The following GLG1 variants were observed in gnomAD, a reference collection of about 807,000 sequenced individuals.
GLG1 encodes the protein Golgi apparatus protein 1.
A neutral mutation model predicts 160.5 loss-of-function variants in GLG1; 38 were observed. The observed-to-expected ratio is 0.24, with a 90% CI of 0.18 to 0.31. GLG1 has a LOEUF of 0.31. Ranked by LOEUF, GLG1 falls within the 10% of genes least tolerant of loss-of-function variation. The pLI is 1.00. For synonymous variants in GLG1, 644 were observed against 543.4 expected (o/e 1.19, Z -2.57); for missense variants, 1,373 against 1,505.2 (o/e 0.91, Z 1.45).
rs2014372067 is a variant in GLG1 at position 74,452,786 on chromosome 16, T to C, written c.*381A>G. ...AGCCTGGAGGAGATGCGTTACTATA[T>C]ACATTTTTTTCTTTAAAAAAATTTT... is the stretch of plus-strand genomic sequence containing the variant. On this transcript the variant is annotated 3_prime_UTR_variant, in exon 26 of 26. Coordinates refer to ENST00000422840, the MANE Select transcript of GLG1 (RefSeq NM_001145667.2). 1.0e-6 allele frequency: 1 copy of C among 995,822 alleles called. No homozygotes were observed. Among genetic ancestry groups the C allele is most frequent in the Non-Finnish European group, 1.2e-6 (1 of 835,742 alleles). 61.7% of individuals were successfully genotyped at this position (995,822 alleles called of 1,614,324 possible).
intron 1 of GLG1, among the ~76,000 whole-genome samples, chr16:74,593,468 CTT>C (rs1256109289): frequency 2.2e-4 from 29 of 129,216 alleles, no homozygotes; most frequent in African/African-American, 7.0e-4. Flanking sequence ...GAATTTCACT[CTT>C]GTCACCCAGG....
intron 25 of GLG1, among the ~76,000 whole-genome samples, chr16:74,453,673 C>A (rs1346763013): frequency 1.3e-5 from 2 of 152,154 alleles, no homozygotes; most frequent in Non-Finnish European, 1.5e-5. Context: ...AGCACTCACA[C>A]CAAGCCTAGC....
chr16:74,549,100 T>C (rs1219109936), intron 1 of GLG1, among the ~76,000 whole-genome samples: 3 of 152,234 alleles, frequency 2.0e-5, no homozygotes, highest in African/African-American at 7.2e-5. Context: ...CATTCCTCTC[T>C]GAGCTTTAAG....
intron 3 of GLG1, among the ~76,000 whole-genome samples, chr16:74,506,589 A>AAAAAAAAG: frequency 6.8e-6 from 1 of 146,212 alleles, no homozygotes; most frequent in Non-Finnish European, 1.5e-5. Flanking sequence ...CTCAAAAAAA[A>AAAAAAAAG]AAAAAAAAAA....
intron 1 of GLG1, among the ~76,000 whole-genome samples, chr16:74,583,752 C>T (rs1189961563): frequency 6.6e-6 from 1 of 152,134 alleles, no homozygotes; most frequent in Non-Finnish European, 1.5e-5. Context: ...CTCAGGGAGA[C>T]ATATCCAGAC....
chr16:74,476,540 A>T (rs2015395600), intron 12 of GLG1, among the ~76,000 whole-genome samples: 1 of 152,142 alleles, frequency 6.6e-6, no homozygotes, highest in South Asian at 2.1e-4. Flanking sequence ...TACAAATGGA[A>T]CCCAGAAACC....
At chr16:74,506,959 T>A (rs2016634975) in intron 3 of GLG1, among the ~76,000 whole-genome samples, 1 of 152,190 alleles carries the variant, frequency 6.6e-6, no homozygotes, top group African/African-American at 2.4e-5. Flanking sequence ...ATTTTTTGAC[T>A]GGAGCCAGAA....
chr16:74,586,638 C>A (rs1325405154), intron 1 of GLG1, among the ~76,000 whole-genome samples: 1 of 152,008 alleles, frequency 6.6e-6, no homozygotes, highest in East Asian at 1.9e-4. Flanking sequence ...CCACGCCTGG[C>A]TAATTTTTTT....
At chr16:74,596,423 G>C (rs1369008875) in intron 1 of GLG1, among the ~76,000 whole-genome samples, 1 of 151,940 alleles carries the variant, frequency 6.6e-6, no homozygotes, top group Non-Finnish European at 1.5e-5. Flanking sequence ...CAGCTACTCG[G>C]GAAGCTGAGG....
chr16:74,503,149 A>G (rs1349650999), intron 4 of GLG1, among the ~76,000 whole-genome samples: 2 of 152,000 alleles, frequency 1.3e-5, no homozygotes, highest in African/African-American at 4.8e-5. Flanking sequence ...TGAGGCTGCA[A>G]TGAGCGGAAA....
At chr16:74,464,969 G>A (rs1192690397) in intron 19 of GLG1, among the ~76,000 whole-genome samples, 3 of 152,144 alleles carry the variant, frequency 2.0e-5, no homozygotes, top group African/African-American at 7.2e-5. Flanking sequence ...CTCCTGAATA[G>A]CTGGGACTAC....
intron 2 of GLG1, among the ~76,000 whole-genome samples, chr16:74,522,083 T>C (rs2017182410): frequency 6.6e-6 from 1 of 152,242 alleles, no homozygotes; most frequent in Non-Finnish European, 1.5e-5. Context: ...ATTTTAATTA[T>C]AAACAATGCT....
intron 2 of GLG1, among the ~76,000 whole-genome samples, chr16:74,516,708 A>G (rs2016988692): frequency 6.6e-6 from 1 of 152,240 alleles, no homozygotes; most frequent in Admixed American, 6.5e-5. Context: ...CTAAGATCGG[A>G]GCAGAACTGA....
At chr16:74,461,898 T>G in intron 22 of GLG1, 196 bp downstream of exon 22, 1 of 517,800 alleles carries the variant, frequency 1.9e-6, no homozygotes, top group Non-Finnish European at 3.4e-6. Context: ...GGAACAACGC[T>G]TTAGAGTGTC....
chr16:74,482,950 A>G (rs1314472295), intron 10 of GLG1, 73 bp downstream of exon 10: 2 of 825,958 alleles, frequency 2.4e-6, no homozygotes, highest in South Asian at 2.7e-5. Flanking sequence ...TTATTTTAAT[A>G]AATACAGGTA....
chr16:74,591,873 A>G (rs755306179), intron 1 of GLG1, among the ~76,000 whole-genome samples: 1 of 152,180 alleles, frequency 6.6e-6, no homozygotes, highest in Non-Finnish European at 1.5e-5. Flanking sequence ...CAGTCTTCTG[A>G]ACTATTCTTT....
At chr16:74,458,641 T>A (rs1387600108) in intron 23 of GLG1, among the ~76,000 whole-genome samples, 1 of 152,122 alleles carries the variant, frequency 6.6e-6, no homozygotes, top group Non-Finnish European at 1.5e-5. Flanking sequence ...ACCACTGCAC[T>A]CCATCCTGGG....
At chr16:74,576,183 C>T (rs1342336744) in intron 1 of GLG1, among the ~76,000 whole-genome samples, 11 of 151,298 alleles carry the variant, frequency 7.3e-5, no homozygotes, top group Non-Finnish European at 1.0e-4. Context: ...CGCGACAGAG[C>T]GAGACTCCTT....
chr16:74,457,705 C>A (rs111309857), intron 24 of GLG1, among the ~76,000 whole-genome samples, 169 bp downstream of exon 24: 2 of 152,280 alleles, frequency 1.3e-5, no homozygotes, highest in East Asian at 3.9e-4. Context: ...TTCATGATGC[C>A]ATAAAGGTCT....
Sources: gnomAD v4.1 joint callset for allele counts (sites outside exome capture counted in the v4.1 genomes callset) on GRCh38, gnomAD v4.1.1 for gene constraint, MANE v1.5 for transcripts, NCBI Gene and HGNC (gene_info 2026-07-23, HGNC 2026-07-21) for gene names.